INPP5F: variants seen among roughly 807,000 people sequenced by gnomAD.
The protein encoded by INPP5F is phosphatidylinositide 4-phosphatase SAC2.
INPP5F carries 97 observed loss-of-function variants against 137.2 expected under a neutral mutation model. The ratio of observed to expected loss-of-function variants is 0.71; its 90% CI spans 0.60 to 0.84. The LOEUF (loss-of-function observed/expected upper bound fraction) is 0.84, where lower values mean the gene tolerates loss of function less well. Among genes scored for constraint, INPP5F ranks in the 40% least tolerant of loss-of-function variants. INPP5F has a pLI of 0.00. For missense variants in INPP5F, 1,271 were observed against 1,371.9 expected, an observed-to-expected ratio of 0.93 and a Z score of 1.16; for synonymous variants, 504 against 476.9, an observed-to-expected ratio of 1.06 and a Z score of -0.74.
At chr10:119,750,931 A>G in intron 1 of INPP5F, 145 bp from the exon 2 acceptor site, 2 of 636,772 alleles carry the variant, frequency 3.1e-6, no homozygotes, top group South Asian at 3.8e-5. Flanking sequence ...CTTTGTCACA[A>G]ATTGCTTTAT....
rs1017587314 is a variant in INPP5F, at chr10:119,828,033, A to G, written c.*253A>G. ...CACTTTGCTTATTTGAAAGTAATTC[A>G]GCAACAGGTCACTTTGGGATATAAC... On this transcript the variant is annotated 3_prime_UTR_variant, in exon 20 of 20. Transcript: ENST00000650623. 1.2e-4 allele frequency: 39 copies of G among 338,902 alleles called. No homozygotes were observed. Among genetic ancestry groups the G allele is most frequent in the Non-Finnish European group, 2.0e-4 (37 of 185,056 alleles). 21.0% of individuals were successfully genotyped at this position (338,902 alleles called of 1,614,324 possible).
intron 15 of INPP5F, chr10:119,819,457 T>A: frequency 6.3e-7 from 1 of 1,577,502 alleles, no homozygotes; most frequent in Non-Finnish European, 8.6e-7. Flanking sequence ...ACACTGTAAT[T>A]AGTAGTAGAA....
At chr10:119,727,720 G>A (rs1241306882) in intron 1 of INPP5F, among the ~76,000 whole-genome samples, 4 of 152,192 alleles carry the variant, frequency 2.6e-5, no homozygotes, top group Non-Finnish European at 5.9e-5. Flanking sequence ...AAACTCCTTG[G>A]CCCAGATAAA....
intron 6 of INPP5F, among the ~76,000 whole-genome samples, chr10:119,793,329 G>T (rs1401291783): frequency 6.6e-6 from 1 of 152,146 alleles, no homozygotes; most frequent in Non-Finnish European, 1.5e-5. Context: ...AAGAATGCAG[G>T]TAGATCCTTT....
At chr10:119,812,609 A>AGGGGCATAAAATGTGCTT (rs1851086914) in intron 15 of INPP5F, among the ~76,000 whole-genome samples, 1 of 152,184 alleles carries the variant, frequency 6.6e-6, no homozygotes, top group African/African-American at 2.4e-5. Flanking sequence ...TTTTAGTAAG[A>AGGGGCATAAAATGTGCTT]GGGGCATAAA....
At chr10:119,820,967 G>A (rs1332214508) in intron 16 of INPP5F, 50 bp downstream of exon 16, 1 of 1,182,966 alleles carries the variant, frequency 8.5e-7, no homozygotes, top group East Asian at 2.3e-5. Flanking sequence ...TTAAACTTGA[G>A]TAAATTTTCT....
chr10:119,800,400 A>G (rs1257042921), intron 9 of INPP5F, among the ~76,000 whole-genome samples: 2 of 151,660 alleles, frequency 1.3e-5, no homozygotes, highest in African/African-American at 2.4e-5. Context: ...CTGAAAAAAA[A>G]AAAAAAAAAA....
intron 3 of INPP5F, among the ~76,000 whole-genome samples, chr10:119,784,920 T>C (rs1849829194): frequency 6.6e-6 from 1 of 152,202 alleles, no homozygotes; most frequent in African/African-American, 2.4e-5. Context: ...TCTGTAAATA[T>C]TTGTCTATTC....
At chr10:119,731,020 C>T (rs577197370) in intron 1 of INPP5F, among the ~76,000 whole-genome samples, 2 of 152,214 alleles carry the variant, frequency 1.3e-5, no homozygotes, top group South Asian at 2.1e-4. Context: ...ATCTCTTGAC[C>T]TCGTGATCCG....
rs1731021935 is a variant in INPP5F at position 119,810,186 on chromosome 10, A to AT, written c.1659dup (p.Lys554Ter). 1 of 1,610,378 alleles carries AT rather than the reference A, an allele frequency of 6.2e-7. No homozygotes were observed. Among genetic ancestry groups the AT allele is most frequent in the Non-Finnish European group, 8.5e-7 (1 of 1,176,910 alleles). ...CAGCAAACAGATATTACCTCAACCG[A>AT]TTTAAGGATGCTTATAGGCAAGCTG... On this transcript the variant is annotated frameshift_variant, in exon 14 of 20. Coordinates refer to ENST00000650623, the MANE Select transcript of INPP5F (RefSeq NM_014937.4). LOFTEE classifies it high-confidence loss of function.
chr10:119,792,589 T>A lies in INPP5F; in HGVS notation c.669+376T>A, dbSNP rs866820060. 3.3e-5 allele frequency among the ~76,000 whole-genome samples: 5 copies of A among 150,894 alleles called. No homozygotes were observed. The South Asian group carries it at 8.3e-4, about 25-fold the overall frequency. ...CCAGTTTTTTTTTTTTTTTTTTTTT[T>A]AACCTTCGCCGGACTTCTGTTTTCT... On this transcript the variant is annotated intron_variant, in intron 6 of 19. Transcript: ENST00000650623.
chr10:119,771,632 C>T (rs963167513), intron 2 of INPP5F, among the ~76,000 whole-genome samples: 1 of 151,446 alleles, frequency 6.6e-6, no homozygotes, highest in African/African-American at 2.4e-5. Context: ...CCAGCCTTCC[C>T]AAGTGTATAG....
Position 119,823,811 on chromosome 10 carries a change from G to T in INPP5F, c.2162-4G>T. Reference sequence around the variant, plus strand: ...ATTGGCAGGCAGTTATATTTGGGTTGCAGATACCCTTCAGTGCATTGCAGA... The same window carrying T: ...ATTGGCAGGCAGTTATATTTGGGTTTCAGATACCCTTCAGTGCATTGCAGA... On this transcript the variant is annotated splice_polypyrimidine_tract_variant and splice_region_variant and intron_variant, in intron 18 of 19. Transcript: ENST00000650623. 2 of 1,611,968 alleles carry T rather than the reference G, an allele frequency of 1.2e-6. No homozygotes were observed. The highest frequency in any genetic ancestry group is 1.7e-6 in the Non-Finnish European group (2 of 1,178,594).
At position 119,826,607 on chromosome 10, in the gene INPP5F, CTTTT is replaced by C; in HGVS notation, c.2250-20_2250-17del. 4 of 1,531,860 alleles carry C rather than the reference CTTTT, an allele frequency of 2.6e-6. No homozygotes were observed. Among genetic ancestry groups the C allele is most frequent in the Non-Finnish European group, 3.5e-6 (4 of 1,140,392 alleles). The allele number at this position is 1,531,860 out of a possible 1,614,324, so 94.9% of individuals were successfully genotyped here. On this transcript the variant is annotated intron_variant, in intron 19 of 19. Transcript: ENST00000650623. ...CATATTGGATTCCATGGGGAATTAA[CTTTT>C]TTTCTCTTCTAATTTGTAGGAAGAG...
chr10:119,755,906 C>T (rs1163789044), intron 2 of INPP5F, among the ~76,000 whole-genome samples: 2 of 152,202 alleles, frequency 1.3e-5, no homozygotes, highest in Non-Finnish European at 1.5e-5. Context: ...GCCTGTAATC[C>T]TAGCACTTTG....
At chr10:119,754,996 A>G (rs1280530412) in intron 2 of INPP5F, among the ~76,000 whole-genome samples, 1 of 152,160 alleles carries the variant, frequency 6.6e-6, no homozygotes, top group Non-Finnish European at 1.5e-5. Context: ...TTTCCCTCCT[A>G]CTTATTCTCC....
At chr10:119,758,039 T>C (rs548860665) in intron 2 of INPP5F, among the ~76,000 whole-genome samples, 391 of 152,326 alleles carry the variant, frequency 2.6e-3, no homozygotes, top group Non-Finnish European at 4.4e-3. Flanking sequence ...TGGCCTGTAC[T>C]CAGTGCTGGG....
At chr10:119,793,727 A>G (rs1254550399) in intron 6 of INPP5F, 1 of 152,298 alleles carries the variant, frequency 6.6e-6, no homozygotes, top group Admixed American at 6.5e-5. Flanking sequence ...GCCCACTGCA[A>G]CTTCACCTCC....
chr10:119,752,710 C>T (rs1589678353), intron 2 of INPP5F, among the ~76,000 whole-genome samples: 1 of 151,414 alleles, frequency 6.6e-6, no homozygotes, highest in East Asian at 1.9e-4. Context: ...TTTGTATTCC[C>T]TTGGTTTTCG....
Sources: allele counts gnomAD v4.1 joint callset (sites outside exome capture counted in the v4.1 genomes callset), GRCh38; gene constraint gnomAD v4.1.1; transcripts MANE v1.5; gene names NCBI Gene and HGNC (gene_info 2026-07-23, HGNC 2026-07-21).